The following CLNK variants were observed in gnomAD, a reference collection of about 807,000 sequenced individuals.
CLNK encodes the protein cytokine-dependent hematopoietic cell linker.
Under a neutral mutation model 68.6 loss-of-function variants are expected in CLNK, and 74 were observed. The observed-to-expected ratio is 1.08, with a 90% CI of 0.89 to 1.31. The LOEUF (loss-of-function observed/expected upper bound fraction) is 1.31, where lower values mean the gene tolerates loss of function less well. Ranked by LOEUF, CLNK falls within the 50% of genes most tolerant of loss-of-function variation. CLNK has a pLI of 0.00. For missense variants in CLNK, 553 were observed against 515.3 expected (o/e 1.07, Z -0.71); for synonymous variants, 198 against 172.2 (o/e 1.15, Z -1.17).
At chr4:10,734,787 C>A in the CLNK span, among the ~76,000 whole-genome samples, 1 of 152,234 alleles carries the variant, frequency 6.6e-6, no homozygotes, top group East Asian at 1.9e-4. Context: ...GACAGAAGCA[C>A]CTGCCTGCTA....
intron 3 of CLNK, among the ~76,000 whole-genome samples, chr4:10,595,572 T>G (rs1288165835): frequency 6.6e-6 from 1 of 152,164 alleles, no homozygotes; most frequent in Non-Finnish European, 1.5e-5. Flanking sequence ...TTACTTTGTT[T>G]ATTACCAGGA....
At chr4:10,535,605 A>G (rs1240148257) in intron 11 of CLNK, among the ~76,000 whole-genome samples, 1 of 152,224 alleles carries the variant, frequency 6.6e-6, no homozygotes, top group East Asian at 1.9e-4. Flanking sequence ...TAAAATTACA[A>G]TGGATTCGTA....
At chr4:10,711,609 A>AC in the CLNK span, among the ~76,000 whole-genome samples, 1 of 151,650 alleles carries the variant, frequency 6.6e-6, no homozygotes, top group Non-Finnish European at 1.5e-5. Flanking sequence ...TTATAAAAAA[A>AC]CTTAAATATT....
At chr4:10,616,630 G>A (rs1187974264) in intron 2 of CLNK, among the ~76,000 whole-genome samples, 1 of 151,902 alleles carries the variant, frequency 6.6e-6, no homozygotes, top group African/African-American at 2.4e-5. Context: ...TGAGAGTTCA[G>A]CAAAAATCAA....
intron 14 of CLNK, among the ~76,000 whole-genome samples, chr4:10,522,902 A>G (rs1483389050): frequency 1.3e-5 from 2 of 152,174 alleles, no homozygotes; most frequent in Non-Finnish European, 2.9e-5. Context: ...CATGAATAGG[A>G]GTAAGGGTGT....
At chr4:10,591,606 G>T (rs949809670) in intron 3 of CLNK, among the ~76,000 whole-genome samples, 6 of 152,248 alleles carry the variant, frequency 3.9e-5, no homozygotes, top group African/African-American at 1.4e-4. Context: ...GAGATACACT[G>T]CAGATCATGT....
intron 2 of CLNK, among the ~76,000 whole-genome samples, chr4:10,653,966 C>A (rs1182056612): frequency 6.6e-6 from 1 of 151,560 alleles, no homozygotes; most frequent in African/African-American, 2.4e-5. Flanking sequence ...TGATATTGAA[C>A]CAATAGCTGA....
intron 3 of CLNK, among the ~76,000 whole-genome samples, chr4:10,591,665 C>T (rs541230070): frequency 2.6e-5 from 4 of 152,330 alleles, no homozygotes; most frequent in African/African-American, 9.6e-5. Flanking sequence ...CAATGGAGTG[C>T]CTGGCACGTA....
At chr4:10,714,489 G>T in the CLNK span, among the ~76,000 whole-genome samples, 5 of 152,152 alleles carry the variant, frequency 3.3e-5, no homozygotes, top group Non-Finnish European at 7.3e-5. Flanking sequence ...CCATGGAAAG[G>T]AGAATCATTT....
At chr4:10,644,948 T>C (rs1723454029) in intron 2 of CLNK, among the ~76,000 whole-genome samples, 1 of 152,222 alleles carries the variant, frequency 6.6e-6, no homozygotes, top group Non-Finnish European at 1.5e-5. Context: ...CAATCTTAGC[T>C]AGATCTCAAG....
chr4:10,729,175 G>T, the CLNK span, among the ~76,000 whole-genome samples: 1 of 152,034 alleles, frequency 6.6e-6, no homozygotes, highest in Non-Finnish European at 1.5e-5. Context: ...GTCCTGTTTG[G>T]CACTCTGTAC....
chr4:10,723,044 A>T, the CLNK span, among the ~76,000 whole-genome samples: 2 of 145,384 alleles, frequency 1.4e-5, no homozygotes, highest in Non-Finnish European at 3.0e-5. Context: ...ACTCTGTATT[A>T]AAAAAAAAAA....
At chr4:10,530,446 G>C (rs1323710421) in intron 12 of CLNK, among the ~76,000 whole-genome samples, 2 of 152,208 alleles carry the variant, frequency 1.3e-5, no homozygotes, top group African/African-American at 2.4e-5. Context: ...AAATGGTCTT[G>C]AATCTCAGCC....
At chr4:10,541,992 G>A (rs767512939) in intron 10 of CLNK, 30 bp downstream of exon 10, 173 of 1,501,486 alleles carry the variant, frequency 1.2e-4, no homozygotes, top group Non-Finnish European at 1.4e-4. Flanking sequence ...ATTGTATAGC[G>A]AAAAAAAATG....
chr4:10,536,806 A>C, intron 11 of CLNK, among the ~76,000 whole-genome samples: 1 of 152,314 alleles, frequency 6.6e-6, no homozygotes, highest in South Asian at 2.1e-4. Context: ...CTGTAACTAC[A>C]GGAACCCCAG....
intron 2 of CLNK, among the ~76,000 whole-genome samples, chr4:10,653,054 A>C (rs1723816419): frequency 6.6e-6 from 1 of 152,206 alleles, no homozygotes. Flanking sequence ...CATGGATGAC[A>C]CTGGAAACCA....
chr4:10,679,314 T>C (rs1018670154), intron 1 of CLNK, among the ~76,000 whole-genome samples: 12 of 152,218 alleles, frequency 7.9e-5, no homozygotes, highest in Non-Finnish European at 1.6e-4. Context: ...GCTAGCCATA[T>C]GTAGAAAGCT....
At chr4:10,651,114 T>A (rs1723716453) in intron 2 of CLNK, among the ~76,000 whole-genome samples, 1 of 152,184 alleles carries the variant, frequency 6.6e-6, no homozygotes, top group African/African-American at 2.4e-5. Flanking sequence ...TGTAAGTTAG[T>A]TCAACCATTG....
the CLNK span, among the ~76,000 whole-genome samples, chr4:10,720,940 G>A: frequency 6.6e-6 from 1 of 151,998 alleles, no homozygotes; most frequent in Non-Finnish European, 1.5e-5. Context: ...GTGGCTGAAT[G>A]ATTAAATAAA....
Sources: allele counts gnomAD v4.1 joint callset (sites outside exome capture counted in the v4.1 genomes callset), GRCh38; gene constraint gnomAD v4.1.1; transcripts MANE v1.5; gene names NCBI Gene and HGNC (gene_info 2026-07-23, HGNC 2026-07-21).